SLC41A2: variants seen among roughly 807,000 people sequenced by gnomAD.
The protein encoded by SLC41A2 is SLC41A1-like 1.
SLC41A2 carries 32 observed loss-of-function variants against 58.3 expected under a neutral mutation model. The ratio of observed to expected loss-of-function variants is 0.55; its 90% confidence interval spans 0.41 to 0.74. The LOEUF (loss-of-function observed/expected upper bound fraction) is 0.74. SLC41A2 is among the 30% of genes least tolerant of loss of function. The probability of loss-of-function intolerance (pLI) is 0.00; values close to 1 mark genes in which losing one functional copy is unlikely to be tolerated. For synonymous variants in SLC41A2, 190 were observed against 235.0 expected, an observed-to-expected ratio of 0.81 and a Z score of 1.75; for missense variants, 514 against 680.6, an observed-to-expected ratio of 0.76 and a Z score of 2.72.
intron 8 of SLC41A2, among the ~76,000 whole-genome samples, chr12:104,853,911 A>ATTATTATTATTATTATTTTTTTTTTTTTT: frequency 5.0e-5 from 3 of 59,492 alleles, no homozygotes; most frequent in African/African-American, 1.4e-4. Context: ...TGCCTGGCTG[A>ATTATTATTATTATTATTTTTTTTTTTTTT]TTTTTTTTTT....
At chr12:104,812,587 G>A (rs189403115) in intron 10 of SLC41A2, among the ~76,000 whole-genome samples, 9 of 152,128 alleles carry the variant, frequency 5.9e-5, no homozygotes, top group African/African-American at 2.2e-4. Context: ...TCTTTCTTTG[G>A]AACTATCTAG....
chr12:104,820,262 T>C (rs1446511526), intron 10 of SLC41A2, among the ~76,000 whole-genome samples: 1 of 152,202 alleles, frequency 6.6e-6, no homozygotes, highest in African/African-American at 2.4e-5. Flanking sequence ...AACCAGTAGT[T>C]TGAGACCAGC....
intron 2 of SLC41A2, among the ~76,000 whole-genome samples, chr12:104,920,353 T>C (rs1174262150): frequency 6.6e-6 from 1 of 152,144 alleles, no homozygotes; most frequent in Non-Finnish European, 1.5e-5. Context: ...AAAAGGGAAT[T>C]CTGTTAAACA....
chr12:104,830,414 T>G (rs2041999072), intron 10 of SLC41A2, among the ~76,000 whole-genome samples: 3 of 152,214 alleles, frequency 2.0e-5, no homozygotes, highest in Admixed American at 2.0e-4. Flanking sequence ...ATCACTTCAC[T>G]CATGAGGATT....
intron 10 of SLC41A2, among the ~76,000 whole-genome samples, chr12:104,819,375 C>T (rs188841721): frequency 1.2e-4 from 18 of 152,152 alleles, no homozygotes; most frequent in African/African-American, 3.9e-4. Flanking sequence ...AATGCAGCAC[C>T]TAAATGGTTA....
intron 8 of SLC41A2, among the ~76,000 whole-genome samples, chr12:104,849,871 C>T (rs999917137): frequency 3.2e-4 from 49 of 152,068 alleles, no homozygotes; most frequent in African/African-American, 1.1e-3. Context: ...TGTTGATATG[C>T]ATACTCTACA....
At chr12:104,889,515 G>A (rs1265055228) in intron 4 of SLC41A2, among the ~76,000 whole-genome samples, 2 of 152,156 alleles carry the variant, frequency 1.3e-5, no homozygotes, top group Non-Finnish European at 2.9e-5. Context: ...TCTGAAGTCT[G>A]ACTCTAGAGG....
intron 1 of SLC41A2, among the ~76,000 whole-genome samples, chr12:104,929,079 TC>T (rs1182922113): frequency 6.6e-6 from 1 of 152,206 alleles, no homozygotes; most frequent in Non-Finnish European, 1.5e-5. Flanking sequence ...TTTGCATCTG[TC>T]AGTACACAAC....
At chr12:104,817,002 G>A (rs759028947) in intron 10 of SLC41A2, among the ~76,000 whole-genome samples, 8 of 152,100 alleles carry the variant, frequency 5.3e-5, no homozygotes, top group Non-Finnish European at 8.8e-5. Flanking sequence ...GCATCGTTAG[G>A]CAATTTCATC....
intron 10 of SLC41A2, among the ~76,000 whole-genome samples, chr12:104,825,163 A>C (rs192625562): frequency 1.3e-5 from 2 of 152,304 alleles, no homozygotes; most frequent in African/African-American, 4.8e-5. Flanking sequence ...AAAGGTGCAA[A>C]TCAGACCAAT....
intron 6 of SLC41A2, among the ~76,000 whole-genome samples, chr12:104,878,187 C>CTAAG (rs2044150093): frequency 6.6e-6 from 1 of 151,452 alleles, no homozygotes; most frequent in Non-Finnish European, 1.5e-5. Flanking sequence ...TACTTTCTTA[C>CTAAG]CACTGTCTTT....
chr12:104,930,347 A>G (rs1737019056), intron 1 of SLC41A2, among the ~76,000 whole-genome samples: 1 of 152,234 alleles, frequency 6.6e-6, no homozygotes, highest in Non-Finnish European at 1.5e-5. Context: ...AGTCCCCGAA[A>G]GAGAGAAAAG....
intron 10 of SLC41A2, among the ~76,000 whole-genome samples, chr12:104,832,840 C>A (rs2042085567): frequency 6.6e-6 from 1 of 152,028 alleles, no homozygotes; most frequent in South Asian, 2.1e-4. Context: ...TACTGAAGTG[C>A]CTTCTTGTCC....
At chr12:104,851,444 C>T (rs931540006) in intron 8 of SLC41A2, among the ~76,000 whole-genome samples, 7 of 151,888 alleles carry the variant, frequency 4.6e-5, no homozygotes, top group East Asian at 1.9e-4. Flanking sequence ...AGTGCAGTTG[C>T]GTCATTGTGG....
At chr12:104,870,496 T>G (rs2043715395) in intron 6 of SLC41A2, among the ~76,000 whole-genome samples, 1 of 152,236 alleles carries the variant, frequency 6.6e-6, no homozygotes, top group Non-Finnish European at 1.5e-5. Context: ...ACAATGGCAA[T>G]AGATAACTAA....
chr12:104,895,226 C>T (rs769321128), intron 4 of SLC41A2, 48 bp downstream of exon 4: 25 of 1,399,860 alleles, frequency 1.8e-5, no homozygotes, highest in Non-Finnish European at 2.3e-5. Context: ...AGATTACAGT[C>T]AAAATTTGTA....
At position 104,803,804 on chromosome 12, in the gene SLC41A2, A is replaced by T. The variant is rs1329133669; in HGVS notation, c.*1348T>A. ...CGTAGAAATAAGCCTGTACAAATGG[A>T]TATGTTTAAGCATGAACAATAATTG... On this transcript the variant is annotated 3_prime_UTR_variant, in exon 11 of 11. Coordinates refer to ENST00000258538, the MANE Select transcript of SLC41A2 (RefSeq NM_001352171.3). 1 of 152,160 alleles carries T rather than the reference A, an allele frequency of 6.6e-6. No homozygotes were observed. Among genetic ancestry groups the T allele is most frequent in the Non-Finnish European group, 1.5e-5 (1 of 68,034 alleles). 9.4% of individuals were successfully genotyped at this position (152,160 alleles called of 1,614,324 possible).
chr12:104,925,414 C>T (rs566817892), intron 2 of SLC41A2, among the ~76,000 whole-genome samples: 196 of 152,106 alleles, frequency 1.3e-3, no homozygotes, highest in African/African-American at 4.4e-3. Flanking sequence ...AAAAATTAGC[C>T]GGGCGCGGTG....
chr12:104,886,671 C>A (rs1436960722), intron 5 of SLC41A2, among the ~76,000 whole-genome samples: 2 of 151,860 alleles, frequency 1.3e-5, no homozygotes, highest in African/African-American at 2.4e-5. Context: ...TATTTAGAGG[C>A]CTGAAAGCTA....
Sources: allele counts gnomAD v4.1 joint callset (sites outside exome capture counted in the v4.1 genomes callset), GRCh38; gene constraint gnomAD v4.1.1; transcripts MANE v1.5; gene names NCBI Gene and HGNC (gene_info 2026-07-23, HGNC 2026-07-21).